KCNQ5: variants seen among roughly 807,000 people sequenced by gnomAD.
KCNQ5 encodes the protein potassium voltage-gated channel subfamily Q member 5, also known as potassium voltage-gated channel subfamily KQT member 5.
Under a neutral mutation model 98.2 loss-of-function variants are expected in KCNQ5, and 30 were observed. The ratio of observed to expected loss-of-function variants is 0.31; its 90% CI spans 0.23 to 0.41. KCNQ5 has a LOEUF of 0.41. Among genes scored for constraint, KCNQ5 ranks in the 10% least tolerant of loss-of-function variants. The probability of loss-of-function intolerance (pLI) is 1.00; values close to 1 mark genes in which losing one functional copy is unlikely to be tolerated. For synonymous variants in KCNQ5, 458 were observed against 449.4 expected (o/e 1.02, Z -0.24); for missense variants, 835 against 1,182.5 (o/e 0.71, Z 4.31).
intron 11 of KCNQ5, among the ~76,000 whole-genome samples, chr6:73,174,421 T>C (rs1314223614): frequency 6.6e-6 from 1 of 152,192 alleles, no homozygotes; most frequent in African/African-American, 2.4e-5. Flanking sequence ...ACGCTATCGA[T>C]TGTGCCTTGC....
intron 8 of KCNQ5, among the ~76,000 whole-genome samples, chr6:73,121,782 TCATTAACTA>T (rs1775761974): frequency 6.6e-6 from 1 of 152,186 alleles, no homozygotes; most frequent in Admixed American, 6.5e-5. Flanking sequence ...ACCAGATCCA[TCATTAACTA>T]CATTACTTCC....
chr6:72,746,063 GCAAAAAAAAAAAAAAA>G (rs1561956606), intron 1 of KCNQ5, among the ~76,000 whole-genome samples: 1 of 48,430 alleles, frequency 2.1e-5, no homozygotes, highest in Non-Finnish European at 3.3e-5. Flanking sequence ...GACTCTATTT[GCAAAAAAAAAAAAAAA>G]AAAAAAAAAA....
chr6:73,040,137 C>T (rs1247460752), intron 2 of KCNQ5, among the ~76,000 whole-genome samples: 2 of 152,064 alleles, frequency 1.3e-5, no homozygotes, highest in Admixed American at 1.3e-4. Flanking sequence ...GTGACCTTGG[C>T]ATACCTAAGA....
intron 1 of KCNQ5, among the ~76,000 whole-genome samples, chr6:72,878,806 C>T (rs1487003110): frequency 6.6e-6 from 1 of 152,162 alleles, no homozygotes; most frequent in Non-Finnish European, 1.5e-5. Flanking sequence ...GTTTCCCTTT[C>T]AGACTATCGT....
At chr6:73,065,645 G>A (rs1389411075) in intron 3 of KCNQ5, among the ~76,000 whole-genome samples, 2 of 152,232 alleles carry the variant, frequency 1.3e-5, no homozygotes, top group Admixed American at 1.3e-4. Context: ...TCCCAAAGCT[G>A]TCGTGATCTG....
intron 1 of KCNQ5, among the ~76,000 whole-genome samples, chr6:72,758,388 A>C (rs1772083860): frequency 6.6e-6 from 1 of 152,034 alleles, no homozygotes; most frequent in Admixed American, 6.6e-5. Context: ...GTTTATTTTC[A>C]GGCTTTTAAG....
At chr6:73,142,264 C>A (rs959328264) in intron 10 of KCNQ5, among the ~76,000 whole-genome samples, 4 of 151,998 alleles carry the variant, frequency 2.6e-5, no homozygotes, top group Non-Finnish European at 4.4e-5. Context: ...GGGGGTAATA[C>A]CAGGAGATGA....
chr6:72,815,675 G>A (rs1475317047), intron 1 of KCNQ5, among the ~76,000 whole-genome samples: 1 of 152,190 alleles, frequency 6.6e-6, no homozygotes, highest in Non-Finnish European at 1.5e-5. Context: ...TTAAGCGTCA[G>A]GAAGTCACAT....
At chr6:72,856,227 T>C (rs141313080) in intron 1 of KCNQ5, among the ~76,000 whole-genome samples, 8 of 152,286 alleles carry the variant, frequency 5.3e-5, no homozygotes, top group African/African-American at 1.9e-4. Context: ...CTGGCATGTA[T>C]TTCTTTGCTC....
chr6:72,824,668 G>A (rs1775906770), intron 1 of KCNQ5, among the ~76,000 whole-genome samples: 1 of 152,046 alleles, frequency 6.6e-6, no homozygotes, highest in Non-Finnish European at 1.5e-5. Context: ...GCCAGCAATG[G>A]AGATTTGATA....
intron 1 of KCNQ5, among the ~76,000 whole-genome samples, chr6:72,938,920 T>C (rs746345001): frequency 1.2e-4 from 19 of 152,160 alleles, no homozygotes; most frequent in Non-Finnish European, 2.2e-4. Context: ...AAAAGAAACG[T>C]TAAATACTTC....
intron 3 of KCNQ5, among the ~76,000 whole-genome samples, chr6:73,064,132 G>C (rs1346455819): frequency 1.3e-5 from 2 of 152,170 alleles, no homozygotes; most frequent in Non-Finnish European, 2.9e-5. Context: ...GAGTAACACA[G>C]TCTATTCAAA....
At chr6:73,145,244 C>A (rs1213458293) in intron 10 of KCNQ5, among the ~76,000 whole-genome samples, 1 of 152,206 alleles carries the variant, frequency 6.6e-6, no homozygotes, top group Non-Finnish European at 1.5e-5. Flanking sequence ...ATTTAATACA[C>A]ACATAGCCAT....
intron 11 of KCNQ5, 42 bp downstream of exon 11, chr6:73,169,896 A>G (rs1435654532): frequency 8.0e-7 from 1 of 1,246,652 alleles, no homozygotes; most frequent in East Asian, 2.3e-5. Context: ...AGACATACTT[A>G]TGATTAATTG....
chr6:72,877,705 C>A (rs1778473079), intron 1 of KCNQ5, among the ~76,000 whole-genome samples: 1 of 152,336 alleles, frequency 6.6e-6, no homozygotes, highest in African/African-American at 2.4e-5. Flanking sequence ...GTTCCTATTT[C>A]TCCACATCCT....
chr6:72,669,910 CTTT>C (rs541665177), intron 1 of KCNQ5, among the ~76,000 whole-genome samples: 7 of 134,976 alleles, frequency 5.2e-5, no homozygotes, highest in Admixed American at 7.5e-5. Flanking sequence ...ACTTTCTTTC[CTTT>C]TTTTTTTTTT....
chr6:73,053,462 A>G (rs1395428847), intron 3 of KCNQ5, among the ~76,000 whole-genome samples: 1 of 152,164 alleles, frequency 6.6e-6, no homozygotes, highest in Non-Finnish European at 1.5e-5. Flanking sequence ...TCATCTGCAC[A>G]TGGCCCATAA....
intron 1 of KCNQ5, among the ~76,000 whole-genome samples, chr6:72,997,212 G>T (rs116499213): frequency 2.1e-3 from 324 of 152,142 alleles, no homozygotes; most frequent in African/African-American, 7.4e-3. Flanking sequence ...AATCCTTCTG[G>T]CCACACGAAT....
At position 73,196,678 on chromosome 6, in the gene KCNQ5, A is replaced by G. The variant is rs1461729705; in HGVS notation, c.*1264A>G. On this transcript the variant is annotated 3_prime_UTR_variant, in exon 14 of 14. Coordinates refer to ENST00000370398, the MANE Select transcript of KCNQ5 (RefSeq NM_019842.4). ...TTTTATACTGTAGTGAAAATTTTCTATTCTTCCCAAGAATGTTGTCCCAAA... is the reference window on the plus strand; with the variant it reads ...TTTTATACTGTAGTGAAAATTTTCTGTTCTTCCCAAGAATGTTGTCCCAAA... The G allele has an allele frequency of 6.6e-6, 1 of 152,192 alleles. No homozygotes were observed. Among genetic ancestry groups the G allele is most frequent in the Non-Finnish European group, 1.5e-5 (1 of 68,040 alleles). 9.4% of individuals were successfully genotyped at this position (152,192 alleles called of 1,614,324 possible).
Sources: gnomAD v4.1 joint callset for allele counts (sites outside exome capture counted in the v4.1 genomes callset) on GRCh38, gnomAD v4.1.1 for gene constraint, MANE v1.5 for transcripts, NCBI Gene and HGNC (gene_info 2026-07-23, HGNC 2026-07-21) for gene names.